Variants in SYT14 observed in about 807,000 individuals in gnomAD.
The protein encoded by SYT14 is synaptotagmin 14.
A neutral mutation model predicts 74.2 loss-of-function variants in SYT14; 32 were observed. That is an observed-to-expected ratio of 0.43 (90% CI 0.33 to 0.58). The LOEUF (loss-of-function observed/expected upper bound fraction) is 0.58. Among genes scored for constraint, SYT14 ranks in the 20% least tolerant of loss-of-function variants. The pLI is 0.05. For synonymous variants in SYT14, 298 were observed against 337.7 expected (o/e 0.88, Z 1.29); for missense variants, 791 against 981.8 (o/e 0.81, Z 2.60).
intron 2 of SYT14, among the ~76,000 whole-genome samples, chr1:209,991,413 G>A (rs893932917): frequency 2.6e-5 from 4 of 152,084 alleles, no homozygotes; most frequent in Admixed American, 2.6e-4. Context: ...GAATCTACAA[G>A]GAATGCAAAC....
At chr1:210,029,191 T>G (rs2080475991) in intron 5 of SYT14, among the ~76,000 whole-genome samples, 1 of 152,298 alleles carries the variant, frequency 6.6e-6, no homozygotes, top group Middle Eastern at 3.4e-3. Flanking sequence ...AGATATATGG[T>G]TTGCAAATAT....
chr1:210,131,693 T>C (rs920729537), intron 7 of SYT14, among the ~76,000 whole-genome samples: 2 of 152,206 alleles, frequency 1.3e-5, no homozygotes, highest in Non-Finnish European at 2.9e-5. Flanking sequence ...TTTATATGTG[T>C]AGCTACCTTT....
intron 2 of SYT14, among the ~76,000 whole-genome samples, chr1:209,991,518 G>A (rs1465914800): frequency 6.6e-6 from 1 of 152,076 alleles, no homozygotes; most frequent in Non-Finnish European, 1.5e-5. Flanking sequence ...TGGCCAAGAA[G>A]CATATGAAAA....
chr1:209,949,383 G>A (rs1469617677), intron 1 of SYT14, among the ~76,000 whole-genome samples: 1 of 151,874 alleles, frequency 6.6e-6, no homozygotes, highest in Admixed American at 6.6e-5. Context: ...GACCATCCTG[G>A]GCAACATAGT....
At chr1:210,067,682 T>C (rs1364239831) in intron 5 of SYT14, among the ~76,000 whole-genome samples, 2 of 152,082 alleles carry the variant, frequency 1.3e-5, no homozygotes, top group South Asian at 2.1e-4. Context: ...TTCTTACTGA[T>C]CTTTTATGTC....
intron 2 of SYT14, among the ~76,000 whole-genome samples, chr1:210,008,826 A>T (rs553472610): frequency 6.6e-6 from 1 of 152,314 alleles, no homozygotes; most frequent in Non-Finnish European, 1.5e-5. Context: ...TTCATAGTAT[A>T]CAAAGATTTT....
intron 1 of SYT14, among the ~76,000 whole-genome samples, chr1:209,950,156 G>A (rs1283805825): frequency 6.6e-6 from 1 of 151,996 alleles, no homozygotes; most frequent in Non-Finnish European, 1.5e-5. Context: ...CTAATTACAG[G>A]CTTTAAAAAG....
Position 210,154,250 on chromosome 1 carries a change from CA to C in SYT14, c.2035-1469del, listed in dbSNP as rs531731754. Among the ~76,000 whole-genome samples, 262 of 152,222 alleles carry C rather than the reference CA, an allele frequency of 1.7e-3. 1 individual carries two copies. The highest frequency in any genetic ancestry group is 5.9e-3 in the African/African-American group (244 of 41,532). On this transcript the variant is annotated intron_variant, in intron 7 of 9. Coordinates refer to ENST00000637265, the Ensembl canonical transcript of SYT14. ...GAAAGATGTCTATTTCAGAGGTCTC[CA>C]ACCCCCCGGCCACAGACCAGTACCA...
intron 7 of SYT14, among the ~76,000 whole-genome samples, chr1:210,110,810 T>A (rs2082248099): frequency 6.6e-6 from 1 of 152,222 alleles, no homozygotes; most frequent in South Asian, 2.1e-4. Context: ...AATGGCGCGA[T>A]CTCAGCTTAC....
chr1:209,941,871 T>C (rs2078736405), intron 1 of SYT14, among the ~76,000 whole-genome samples: 1 of 152,222 alleles, frequency 6.6e-6, no homozygotes, highest in Admixed American at 6.5e-5. Context: ...CTTTATATCA[T>C]ATGGCATAAT....
intron 7 of SYT14, among the ~76,000 whole-genome samples, 185 bp downstream of exon 6, chr1:210,100,646 C>G (rs144913069): frequency 4.4e-4 from 67 of 152,212 alleles, no homozygotes; most frequent in Admixed American, 9.8e-4. Context: ...AAAAAAGTTG[C>G]CCTTGAAGAT....
chr1:210,039,178 G>T (rs2080732456), intron 5 of SYT14, among the ~76,000 whole-genome samples: 1 of 151,698 alleles, frequency 6.6e-6, no homozygotes, highest in Admixed American at 6.6e-5. Flanking sequence ...TCTTTCTTCT[G>T]CTTGGTCTAG....
chr1:210,056,090 A>C (rs1312927738), intron 5 of SYT14, among the ~76,000 whole-genome samples: 1 of 152,190 alleles, frequency 6.6e-6, no homozygotes, highest in Non-Finnish European at 1.5e-5. Context: ...TTAAAAATTG[A>C]TATAAATTAG....
chr1:210,143,578 GACT>G lies in SYT14; in HGVS notation c.2035-12138_2035-12136del, dbSNP rs1216889437. Among the ~76,000 whole-genome samples the G allele has an allele frequency of 7.4e-4, 112 of 152,122 alleles. 1 individual carries two copies. Among genetic ancestry groups the G allele is most frequent in the Non-Finnish European group, 3.2e-4 (22 of 67,998 alleles). On this transcript the variant is annotated intron_variant, in intron 7 of 9. Transcript: ENST00000637265. ...CCATCTATATTATTACTGTCCACCA[GACT>G]ACTAGAGAGTTACTTAAGTGTAATA...
intron 9 of SYT14, among the ~76,000 whole-genome samples, chr1:210,159,953 T>C (rs1281757595): frequency 6.6e-6 from 1 of 152,184 alleles, no homozygotes; most frequent in Non-Finnish European, 1.5e-5. Flanking sequence ...TCAATTTTTT[T>C]GTAATTCATA....
chr1:209,938,430 AG>A (rs953624636), intron 1 of SYT14, among the ~76,000 whole-genome samples, 153 bp downstream of exon 1: 109 of 151,626 alleles, frequency 7.2e-4, no homozygotes, highest in Middle Eastern at 3.4e-3. Flanking sequence ...GCGTCTCGGG[AG>A]GCGGGTGGGC....
At chr1:210,101,046 A>C (rs928178576) in intron 7 of SYT14, among the ~76,000 whole-genome samples, 2 of 152,150 alleles carry the variant, frequency 1.3e-5, no homozygotes, top group African/African-American at 2.4e-5. Flanking sequence ...ACTTTGAGCT[A>C]GTTCTCTCTT....
At chr1:209,984,874 G>C (rs1318580533) in intron 2 of SYT14, among the ~76,000 whole-genome samples, 3 of 152,106 alleles carry the variant, frequency 2.0e-5, no homozygotes, top group Non-Finnish European at 2.9e-5. Context: ...GAGTCAGTGG[G>C]GAGGTGCCAC....
intron 7 of SYT14, among the ~76,000 whole-genome samples, chr1:210,154,490 T>G (rs944126268): frequency 4.6e-5 from 7 of 152,188 alleles, no homozygotes; most frequent in Non-Finnish European, 7.3e-5. Flanking sequence ...AATTTCAAAT[T>G]TACTAGAAGA....
Sources: allele counts gnomAD v4.1 joint callset (sites outside exome capture counted in the v4.1 genomes callset), GRCh38; gene constraint gnomAD v4.1.1; transcripts MANE v1.5; gene names NCBI Gene and HGNC (gene_info 2026-07-23, HGNC 2026-07-21).